The following NPFFR2 variants were observed in gnomAD, a reference collection of about 807,000 sequenced individuals.
NPFFR2 encodes G-protein coupled receptor 74.
A neutral mutation model predicts 13.1 loss-of-function variants in NPFFR2; 15 were observed. The observed-to-expected ratio is 1.15, with a 90% CI of 0.77 to 1.76. The LOEUF is 1.76. Ranked by LOEUF, NPFFR2 falls within the 40% of genes most tolerant of loss-of-function variation. NPFFR2 has a pLI of 0.00. For missense variants in NPFFR2, 572 were observed against 503.5 expected, an observed-to-expected ratio of 1.14 and a Z score of -1.30; for synonymous variants, 190 against 175.7, an observed-to-expected ratio of 1.08 and a Z score of -0.65.
intron 1 of NPFFR2, among the ~76,000 whole-genome samples, chr4:72,074,968 AAT>A (rs1491249573): frequency 7.7e-5 from 2 of 26,110 alleles, no homozygotes; most frequent in East Asian, 5.5e-4. Context: ...GCAAAGAGAC[AAT>A]ATAAATATGT....
At chr4:72,094,346 C>G (rs1015324287) in intron 1 of NPFFR2, among the ~76,000 whole-genome samples, 1 of 152,182 alleles carries the variant, frequency 6.6e-6, no homozygotes, top group Non-Finnish European at 1.5e-5. Context: ...AAGAGCACAT[C>G]AGCTGCAGTA....
intron 1 of NPFFR2, among the ~76,000 whole-genome samples, chr4:72,089,197 A>T (rs1650387116): frequency 6.6e-6 from 1 of 152,098 alleles, no homozygotes; most frequent in African/African-American, 2.4e-5. Flanking sequence ...TCTATGGTAT[A>T]TATGTACCAC....
intron 1 of NPFFR2, among the ~76,000 whole-genome samples, chr4:72,085,268 A>G (rs749189047): frequency 6.6e-6 from 1 of 152,104 alleles, no homozygotes; most frequent in Non-Finnish European, 1.5e-5. Context: ...GTTTGCTCTC[A>G]GTTTCGTATC....
At chr4:72,071,795 C>G (rs1720265169) in intron 1 of NPFFR2, among the ~76,000 whole-genome samples, 1 of 152,084 alleles carries the variant, frequency 6.6e-6, no homozygotes, top group Non-Finnish European at 1.5e-5. Flanking sequence ...GTTGTTTTAC[C>G]TCCTCCCATT....
chr4:72,100,565 A>C (rs4404516), intron 1 of NPFFR2, among the ~76,000 whole-genome samples: 140,590 of 150,498 alleles, frequency 0.93, 66,032 homozygotes, highest in East Asian at 1. Context: ...ACTACTACTA[A>C]TACTAGTACT....
intron 1 of NPFFR2, among the ~76,000 whole-genome samples, chr4:72,063,194 A>C (rs1425236735): frequency 6.6e-6 from 1 of 152,212 alleles, no homozygotes; most frequent in Non-Finnish European, 1.5e-5. Context: ...GAGCATCTGC[A>C]TTCATAACCA....
At chr4:72,064,604 T>C (rs1720013583) in intron 1 of NPFFR2, among the ~76,000 whole-genome samples, 1 of 152,004 alleles carries the variant, frequency 6.6e-6, no homozygotes, top group Non-Finnish European at 1.5e-5. Flanking sequence ...AGCAAGGACA[T>C]AGATAGTAGG....
chr4:72,120,501 G>A (rs1721837395), intron 1 of NPFFR2, among the ~76,000 whole-genome samples: 1 of 152,146 alleles, frequency 6.6e-6, no homozygotes, highest in Non-Finnish European at 1.5e-5. Context: ...CCTCAAACAG[G>A]AGAGCTCTGG....
chr4:72,049,405 G>C (rs950665258), intron 1 of NPFFR2, among the ~76,000 whole-genome samples: 7 of 152,032 alleles, frequency 4.6e-5, no homozygotes, highest in Non-Finnish European at 7.4e-5. Context: ...AGCTTGCCAA[G>C]ATATAGTGAA....
At chr4:72,126,674 T>C (rs1451033823) in intron 1 of NPFFR2, among the ~76,000 whole-genome samples, 1 of 152,208 alleles carries the variant, frequency 6.6e-6, no homozygotes, top group Non-Finnish European at 1.5e-5. Context: ...TTTTGATATA[T>C]GCTAGGAAGA....
At chr4:72,048,558 A>C (rs1011023445) in intron 1 of NPFFR2, among the ~76,000 whole-genome samples, 10 of 152,216 alleles carry the variant, frequency 6.6e-5, no homozygotes, top group South Asian at 4.1e-4. Context: ...GAGAAAATGA[A>C]CAAATAGCTT....
At chr4:72,062,912 A>G (rs1279297952) in intron 1 of NPFFR2, among the ~76,000 whole-genome samples, 1 of 150,244 alleles carries the variant, frequency 6.7e-6, no homozygotes, top group East Asian at 2.0e-4. Flanking sequence ...AGCCCACTTC[A>G]TATTAGTTGA....
At chr4:72,093,209 G>C (rs1266326794) in intron 1 of NPFFR2, among the ~76,000 whole-genome samples, 1 of 152,170 alleles carries the variant, frequency 6.6e-6, no homozygotes, top group Non-Finnish European at 1.5e-5. Context: ...CTGTTAATCA[G>C]ATAGGTTTTC....
At chr4:72,054,961 T>C (rs2109769083) in intron 1 of NPFFR2, among the ~76,000 whole-genome samples, 1 of 151,966 alleles carries the variant, frequency 6.6e-6, no homozygotes, top group Admixed American at 6.6e-5. Context: ...AGTTCTTAGG[T>C]ACAGAGGAAA....
At chr4:72,142,677 G>T (rs1399961115) in intron 3 of NPFFR2, among the ~76,000 whole-genome samples, 1 of 152,132 alleles carries the variant, frequency 6.6e-6, no homozygotes, top group Non-Finnish European at 1.5e-5. Context: ...ATTGGAGATG[G>T]TAAAATTTCC....
rs1330216067 is a variant in NPFFR2, at chr4:72,104,333, T to A, written c.-7-24252T>A. The stretch of plus-strand genomic sequence containing the variant: ...ATTCATTTTCTCTCAGGCATGGGAC[T>A]TTGCCTCATAATAAGTAGGAGGGCC... On this transcript the variant is annotated intron_variant, in intron 1 of 3. Transcript: ENST00000308744. Among the ~76,000 whole-genome samples the A allele has an allele frequency of 2.0e-5, 3 of 152,098 alleles. No homozygotes were observed. In the East Asian group the frequency reaches 5.8e-4, roughly 29 times the overall value.
At chr4:72,080,515 A>T (rs538002653) in intron 1 of NPFFR2, among the ~76,000 whole-genome samples, 1 of 152,234 alleles carries the variant, frequency 6.6e-6, no homozygotes, top group South Asian at 2.1e-4. Flanking sequence ...CTTATACTAT[A>T]CATATTTCCA....
chr4:72,098,873 T>G (rs1233824815), intron 1 of NPFFR2, among the ~76,000 whole-genome samples: 1 of 152,124 alleles, frequency 6.6e-6, no homozygotes, highest in Non-Finnish European at 1.5e-5. Flanking sequence ...CTTGTCACAT[T>G]TGTTTGGCCA....
chr4:72,086,974 T>C (rs1207871604), intron 1 of NPFFR2, among the ~76,000 whole-genome samples: 1 of 152,128 alleles, frequency 6.6e-6, no homozygotes, highest in Non-Finnish European at 1.5e-5. Flanking sequence ...AAGTCTGTAA[T>C]ATCTGCATAA....
Sources: gnomAD v4.1 joint callset for allele counts (sites outside exome capture counted in the v4.1 genomes callset) on GRCh38, gnomAD v4.1.1 for gene constraint, MANE v1.5 for transcripts, NCBI Gene and HGNC (gene_info 2026-07-23, HGNC 2026-07-21) for gene names.